SIM1: variants seen among roughly 807,000 people sequenced by gnomAD.
SIM1 encodes SIM bHLH transcription factor 1.
SIM1 carries 18 observed loss-of-function variants against 78.2 expected under a neutral mutation model. The observed-to-expected ratio is 0.23, with a 90% confidence interval of 0.16 to 0.34. The LOEUF is 0.34. Ranked by LOEUF, SIM1 falls within the 10% of genes least tolerant of loss-of-function variation. SIM1 has a pLI of 1.00. For synonymous variants in SIM1, 417 were observed against 385.2 expected (o/e 1.08, Z -0.97); for missense variants, 939 against 975.1 (o/e 0.96, Z 0.49).
chr6:100,448,466 C>A lies in SIM1; in HGVS notation c.743+13G>T. On this transcript the variant is annotated intron_variant, in intron 7 of 11. Coordinates refer to ENST00000369208, the MANE Select transcript of SIM1 (RefSeq NM_005068.3). ...CAGGCTAGGAGAGGCCCTTTCCGGC[C>A]CTGCCCACCCACCTGGAGTCCAGAA... The A allele has an allele frequency of 6.2e-7, 1 of 1,612,708 alleles. No individual in the cohort carries two copies. The highest frequency in any genetic ancestry group is 8.5e-7 in the Non-Finnish European group (1 of 1,179,458).
In SIM1 at chr6:100,388,731, C is replaced by T. The variant is rs1413754352; in HGVS notation, c.*1630G>A. 1.3e-5 allele frequency: 2 copies of T among 152,088 alleles called. No homozygotes were observed. The highest frequency in any genetic ancestry group is 2.9e-5 in the Non-Finnish European group (2 of 67,992). The allele number at this position is 152,088 out of a possible 1,614,324, so 9.4% of individuals were successfully genotyped here. A position where few individuals can be genotyped will look rare whatever the true frequency, so the allele number is the denominator to read the frequency against. Reference sequence around the variant, plus strand: ...TTAAATATGGCAAGAGTTTTGGGCACGGGACTCCTAGGAAATATTATCTAT... The same window carrying T: ...TTAAATATGGCAAGAGTTTTGGGCATGGGACTCCTAGGAAATATTATCTAT... On this transcript the variant is annotated 3_prime_UTR_variant, in exon 12 of 12. Transcript: ENST00000369208.
At chr6:100,451,385 G>T (rs557888187) in intron 3 of SIM1, among the ~76,000 whole-genome samples, 1 of 152,320 alleles carries the variant, frequency 6.6e-6, no homozygotes, top group South Asian at 2.1e-4. Context: ...GATGAATTTG[G>T]TGTACTAGAG....
At chr6:100,418,184 TA>T (rs1033969877) in intron 10 of SIM1, among the ~76,000 whole-genome samples, 7 of 151,154 alleles carry the variant, frequency 4.6e-5, no homozygotes, top group African/African-American at 1.2e-4. Flanking sequence ...CTACAAAAAT[TA>T]AAAAAAAATT....
intron 3 of SIM1, among the ~76,000 whole-genome samples, chr6:100,452,533 G>C (rs1001880939): frequency 2.0e-5 from 3 of 152,194 alleles, no homozygotes; most frequent in Non-Finnish European, 4.4e-5. Flanking sequence ...GCAGGGATGA[G>C]GGAGTAAATG....
chr6:100,419,236 G>A (rs1771498251), intron 10 of SIM1, among the ~76,000 whole-genome samples: 1 of 152,178 alleles, frequency 6.6e-6, no homozygotes, highest in Non-Finnish European at 1.5e-5. Context: ...TATAAGTTAA[G>A]TGCTCAGTAC....
At chr6:100,412,075 A>G (rs1252500822) in intron 10 of SIM1, among the ~76,000 whole-genome samples, 1 of 152,144 alleles carries the variant, frequency 6.6e-6, no homozygotes, top group African/African-American at 2.4e-5. Context: ...TCCAAGTACT[A>G]ACATGATCAG....
intron 2 of SIM1, among the ~76,000 whole-genome samples, chr6:100,462,240 A>G (rs1772874942): frequency 6.6e-6 from 1 of 152,236 alleles, no homozygotes; most frequent in Admixed American, 6.5e-5. Flanking sequence ...TCATTTGTAA[A>G]TAAACACAAT....
At position 100,451,354 on chromosome 6, in the gene SIM1, C is replaced by A. The variant is rs187256983; in HGVS notation, c.259-998G>T. Among the ~76,000 whole-genome samples, 175 of 152,236 alleles carry A rather than the reference C, an allele frequency of 1.1e-3. 2 individuals carry two copies. The highest frequency in any genetic ancestry group is 3.6e-3 in the Admixed American group (55 of 15,296). On this transcript the variant is annotated intron_variant, in intron 3 of 11. Transcript: ENST00000369208. ...AGTCTGCTGGGTCTGGGGATAGGAC[C>A]AATCTAGTGTATTCTGAGGTGATGA...
intron 9 of SIM1, among the ~76,000 whole-genome samples, chr6:100,445,469 G>A (rs535503409): frequency 6.6e-6 from 1 of 152,142 alleles, no homozygotes; most frequent in African/African-American, 2.4e-5. Context: ...CTTTTTAAAT[G>A]TGATGTAAAG....
At chr6:100,439,735 AC>A (rs1303940226) in intron 9 of SIM1, among the ~76,000 whole-genome samples, 3 of 152,188 alleles carry the variant, frequency 2.0e-5, no homozygotes, top group Non-Finnish European at 4.4e-5. Context: ...CAACTAAATT[AC>A]CCTAGATATT....
rs1040064232 is a variant in SIM1, at chr6:100,386,227, A to G, written c.*4134T>C. 1 of 152,046 alleles carries G rather than the reference A, an allele frequency of 6.6e-6. No homozygotes were observed. The highest frequency in any genetic ancestry group is 1.5e-5 in the Non-Finnish European group (1 of 67,936). 9.4% of individuals were successfully genotyped at this position (152,046 alleles called of 1,614,324 possible). A position where few individuals can be genotyped will look rare whatever the true frequency, so the allele number is the denominator to read the frequency against. The stretch of plus-strand genomic sequence containing the variant: ...CCAAATCTGGGCATTCAAACATTTT[A>G]TATCAGAAAGACTGTGTTTGATTGT... On this transcript the variant is annotated 3_prime_UTR_variant, in exon 12 of 12. Transcript: ENST00000369208.
chr6:100,403,245 G>A (rs1463281678), intron 10 of SIM1, among the ~76,000 whole-genome samples: 1 of 152,166 alleles, frequency 6.6e-6, no homozygotes. Context: ...ACCAAAGGTG[G>A]GCTGAGGCTG....
intron 9 of SIM1, among the ~76,000 whole-genome samples, chr6:100,438,329 A>G (rs1225053966): frequency 6.6e-6 from 1 of 152,248 alleles, no homozygotes; most frequent in East Asian, 1.9e-4. Flanking sequence ...TCAAAAGAAG[A>G]TATACAAACA....
intron 10 of SIM1, among the ~76,000 whole-genome samples, chr6:100,403,731 T>C (rs930104554): frequency 6.6e-6 from 1 of 152,200 alleles, no homozygotes; most frequent in Non-Finnish European, 1.5e-5. Flanking sequence ...TACTATATGA[T>C]TTGCTTATGC....
rs575550023 is a variant in SIM1 at position 100,429,439 on chromosome 6, TAATC to T, written c.999-8485_999-8482del. ...ATAATCTCTTCAGTTTAATTATAAA[TAATC>T]AAATAAGAAGAACCAACAATAATAG... On this transcript the variant is annotated intron_variant, in intron 9 of 11. Transcript: ENST00000369208. 5.3e-5 allele frequency among the ~76,000 whole-genome samples: 8 copies of T among 151,486 alleles called. No homozygotes were observed. The South Asian group carries it at 1.7e-3, about 31-fold the overall frequency.
In SIM1 at chr6:100,406,177, C is replaced by A. The variant is rs190237785; in HGVS notation, c.1168-12288G>T. Among the ~76,000 whole-genome samples the A allele has an allele frequency of 6.5e-3, 990 of 152,262 alleles. 8 individuals carry two copies. Among genetic ancestry groups the A allele is most frequent in the South Asian group, 0.011 (53 of 4,832 alleles). On this transcript the variant is annotated intron_variant, in intron 10 of 11. Transcript: ENST00000369208. Reference sequence around the variant, plus strand: ...GGGTAAAATCCTGGATTTCCAGAACCAGTAGCACTAATTTTAATTTAAAGT... The same window carrying A: ...GGGTAAAATCCTGGATTTCCAGAACAAGTAGCACTAATTTTAATTTAAAGT...
At chr6:100,442,688 G>T (rs1046720086) in intron 9 of SIM1, among the ~76,000 whole-genome samples, 2 of 151,868 alleles carry the variant, frequency 1.3e-5, no homozygotes, top group Non-Finnish European at 2.9e-5. Context: ...TGCTAACCAG[G>T]AAAATAAATT....
intron 10 of SIM1, among the ~76,000 whole-genome samples, chr6:100,412,554 G>GAAAGAAAGAAAGA (rs1771221485): frequency 1.9e-5 from 1 of 52,992 alleles, no homozygotes. Context: ...AAGAAAGAAA[G>GAAAGAAAGAAAGA]AAAAGAAAGA....
In SIM1 at chr6:100,448,131, A is replaced by G; in HGVS notation, c.850+15T>C. On this transcript the variant is annotated intron_variant, in intron 8 of 11. Transcript: ENST00000369208. ...CGCCAAGGTTGCTAGGGTACGGGGC[A>G]GGGTGGCGCCTTACGCAAATGGTGC... is the stretch of plus-strand genomic sequence containing the variant. The G allele has an allele frequency of 1.9e-6, 3 of 1,601,778 alleles. No homozygotes were observed. Among genetic ancestry groups the G allele is most frequent in the Non-Finnish European group, 2.6e-6 (3 of 1,172,210 alleles).
Sources: gnomAD v4.1 joint callset for allele counts (sites outside exome capture counted in the v4.1 genomes callset) on GRCh38, gnomAD v4.1.1 for gene constraint, MANE v1.5 for transcripts, NCBI Gene and HGNC (gene_info 2026-07-23, HGNC 2026-07-21) for gene names.